Variants in TMTC4 observed in about 807,000 individuals in gnomAD.
TMTC4 encodes protein O-mannosyl-transferase TMTC4.
TMTC4 carries 65 observed loss-of-function variants against 86.0 expected under a neutral mutation model. The observed-to-expected ratio is 0.76, with a 90% CI of 0.62 to 0.93. The LOEUF is 0.93. Ranked by LOEUF, TMTC4 falls within the 40% of genes least tolerant of loss-of-function variation. The pLI, the probability that TMTC4 is intolerant of heterozygous loss-of-function variation, is 0.00. For synonymous variants in TMTC4, 379 were observed against 382.5 expected, an observed-to-expected ratio of 0.99 and a Z score of 0.11; for missense variants, 866 against 948.1, an observed-to-expected ratio of 0.91 and a Z score of 1.14.
At chr13:100,647,021 G>A (rs569271527) in intron 6 of TMTC4, among the ~76,000 whole-genome samples, 1 of 152,138 alleles carries the variant, frequency 6.6e-6, no homozygotes, top group Non-Finnish European at 1.5e-5. Flanking sequence ...AAGCTTTAGC[G>A]AGAGAGCACA....
At chr13:100,628,493 C>A (rs1229419840) in intron 12 of TMTC4, among the ~76,000 whole-genome samples, 1 of 152,048 alleles carries the variant, frequency 6.6e-6, no homozygotes, top group Non-Finnish European at 1.5e-5. Context: ...GCTTTCGGTC[C>A]TTTTGGATAT....
At chr13:100,620,887 C>T (rs1338398705) in intron 15 of TMTC4, among the ~76,000 whole-genome samples, 1 of 152,120 alleles carries the variant, frequency 6.6e-6, no homozygotes, top group Non-Finnish European at 1.5e-5. Context: ...TTCTTATTTG[C>T]CAGTATATAA....
intron 6 of TMTC4, among the ~76,000 whole-genome samples, chr13:100,653,762 G>A (rs1447210762): frequency 3.3e-5 from 5 of 152,146 alleles, no homozygotes; most frequent in Admixed American, 3.3e-4. Context: ...TAAACCCTCC[G>A]CTTTACACTG....
intron 2 of TMTC4, among the ~76,000 whole-genome samples, chr13:100,669,800 T>C (rs896138899): frequency 6.6e-6 from 1 of 152,162 alleles, no homozygotes; most frequent in African/African-American, 2.4e-5. Context: ...TCCCACCACA[T>C]CCTGGACAGG....
At chr13:100,612,361 A>G (rs765677159) in intron 17 of TMTC4, 37 bp downstream of exon 17, 3 of 1,474,742 alleles carry the variant, frequency 2.0e-6, no homozygotes, top group Non-Finnish European at 1.9e-6. Flanking sequence ...AGATGCTGGC[A>G]CTAACTGCAA....
chr13:100,618,816 C>A (rs972148832), intron 15 of TMTC4, among the ~76,000 whole-genome samples: 2 of 152,156 alleles, frequency 1.3e-5, no homozygotes, highest in East Asian at 1.9e-4. Context: ...GTAAGGTCAC[C>A]GATTAGCAGG....
chr13:100,642,367 T>C (rs1883134228), intron 6 of TMTC4, 56 bp from the exon 7 acceptor site: 1 of 1,591,992 alleles, frequency 6.3e-7, no homozygotes, highest in Non-Finnish European at 8.6e-7. Flanking sequence ...CTCAGTTTTT[T>C]AGCATCAGGA....
chr13:100,666,330 A>AG (rs1886396299), intron 3 of TMTC4, among the ~76,000 whole-genome samples: 1 of 152,230 alleles, frequency 6.6e-6, no homozygotes, highest in Admixed American at 6.5e-5. Flanking sequence ...CAATGAACGG[A>AG]GGAGTGCCTT....
intron 17 of TMTC4, among the ~76,000 whole-genome samples, chr13:100,609,674 T>C (rs962752224): frequency 1.1e-5 from 1 of 89,496 alleles, no homozygotes; most frequent in African/African-American, 3.1e-5. Flanking sequence ...ACTAAATGTA[T>C]ATATATACAC....
chr13:100,674,546 G>A (rs1344532481), intron 1 of TMTC4, 198 bp downstream of exon 1: 2 of 981,828 alleles, frequency 2.0e-6, no homozygotes, highest in African/African-American at 3.5e-5. Flanking sequence ...GGCTCACACA[G>A]GGGCCCGCGT....
intron 6 of TMTC4, among the ~76,000 whole-genome samples, chr13:100,653,225 G>C (rs972787375): frequency 2.0e-5 from 3 of 152,088 alleles, no homozygotes; most frequent in African/African-American, 7.2e-5. Context: ...TCTATTCTTC[G>C]CATGTTTAAA....
intron 6 of TMTC4, among the ~76,000 whole-genome samples, chr13:100,648,842 G>A (rs1182336929): frequency 6.6e-6 from 1 of 152,032 alleles, no homozygotes; most frequent in African/African-American, 2.4e-5. Flanking sequence ...ACCAGGCCTG[G>A]CTAATTTTTA....
chr13:100,652,073 G>T (rs1275322141), intron 6 of TMTC4, among the ~76,000 whole-genome samples: 1 of 152,190 alleles, frequency 6.6e-6, no homozygotes, highest in Non-Finnish European at 1.5e-5. Context: ...GCTGAGACAG[G>T]AGAATCACTT....
At chr13:100,632,080 CTCTCTCTCTCTCTG>C (rs1453543320) in intron 12 of TMTC4, among the ~76,000 whole-genome samples, 17 of 147,540 alleles carry the variant, frequency 1.2e-4, no homozygotes, top group African/African-American at 2.2e-4. Flanking sequence ...CTCTCTCTCT[CTCTCTCTCTCTCTG>C]TCTTTCTCCT....
intron 6 of TMTC4, among the ~76,000 whole-genome samples, chr13:100,643,183 TC>T (rs1207956189): frequency 6.6e-6 from 1 of 152,030 alleles, no homozygotes; most frequent in Non-Finnish European, 1.5e-5. Flanking sequence ...TCCCCACTCT[TC>T]ATCTAAATGA....
rs1216246020 is a variant in TMTC4 at position 100,605,681 on chromosome 13, T to C, written c.2135-539A>G. 6.6e-6 allele frequency among the ~76,000 whole-genome samples: 1 copy of C among 152,202 alleles called. No homozygotes were observed. The highest frequency in any genetic ancestry group is 1.5e-5 in the Non-Finnish European group (1 of 68,032). On this transcript the variant is annotated intron_variant, in intron 18 of 18. Coordinates refer to ENST00000342624, the MANE Select transcript of TMTC4 (RefSeq NM_032813.5). This position sits in a 1 kb window ranked among gnomAD's most constrained non-coding sequence, Gnocchi z 4.3. ...CATTAGGATGATTAGCCTCTGATCA[T>C]GACAGTGATTTTGTTAGTAAAATTA...
rs777215022 is a variant in TMTC4 at position 100,637,519 on chromosome 13, C to T, written c.999+19G>A. On this transcript the variant is annotated intron_variant, in intron 9 of 18. Coordinates refer to ENST00000342624, the MANE Select transcript of TMTC4 (RefSeq NM_032813.5). ...TGGGGGAAGAAAAGAGTCCAGGGGG[C>T]GGCAGGCTCAGAACTCACCCTCACC... 8 of 1,596,362 alleles carry T rather than the reference C, an allele frequency of 5.0e-6. No homozygotes were observed. The highest frequency in any genetic ancestry group is 2.2e-5 in the East Asian group (1 of 44,494).
At chr13:100,622,901 G>C (rs1399688324) in intron 15 of TMTC4, among the ~76,000 whole-genome samples, 1 of 152,156 alleles carries the variant, frequency 6.6e-6, no homozygotes, top group African/African-American at 2.4e-5. Flanking sequence ...TGCAGAGGGG[G>C]AAGGTCACAT....
chr13:100,673,848 C>T (rs968013514), intron 1 of TMTC4, among the ~76,000 whole-genome samples: 4 of 152,174 alleles, frequency 2.6e-5, no homozygotes, highest in African/African-American at 9.6e-5. Context: ...GCAGACAGGA[C>T]TGCAGAGAAA....
Sources: allele counts gnomAD v4.1 joint callset (sites outside exome capture counted in the v4.1 genomes callset), GRCh38; gene constraint gnomAD v4.1.1; non-coding constraint Gnocchi (gnomAD v3.1); transcripts MANE v1.5; gene names NCBI Gene and HGNC (gene_info 2026-07-23, HGNC 2026-07-21).